DLG2: variants seen among roughly 807,000 people sequenced by gnomAD.
DLG2 encodes the protein disks large homolog 2.
In DLG2, 45 loss-of-function variants were observed where a neutral mutation model predicts 132.5. The observed-to-expected ratio is 0.34, with a 90% CI of 0.27 to 0.44. DLG2 has a LOEUF of 0.44. Among genes scored for constraint, DLG2 ranks in the 20% least tolerant of loss-of-function variants. DLG2 has a pLI of 1.00. For missense variants in DLG2, 1,045 were observed against 1,196.9 expected, an observed-to-expected ratio of 0.87 and a Z score of 1.87; for synonymous variants, 424 against 419.6, an observed-to-expected ratio of 1.01 and a Z score of -0.13.
At chr11:83,937,142 G>A (rs73508294) in intron 14 of DLG2, among the ~76,000 whole-genome samples, 3,120 of 152,104 alleles carry the variant, frequency 0.021, 98 homozygotes, top group African/African-American at 0.071. Context: ...ACTAAGAATC[G>A]TGATGGAAAA....
chr11:83,640,042 T>C (rs2066022458), intron 18 of DLG2, among the ~76,000 whole-genome samples: 1 of 152,192 alleles, frequency 6.6e-6, no homozygotes, highest in Non-Finnish European at 1.5e-5. Flanking sequence ...TTAGTGGTAC[T>C]AATGGTGACA....
At chr11:85,022,898 T>C (rs1463529754) in intron 6 of DLG2, among the ~76,000 whole-genome samples, 1 of 152,078 alleles carries the variant, frequency 6.6e-6, no homozygotes, top group Non-Finnish European at 1.5e-5. Context: ...TCTGAGAATA[T>C]AAAACCTTAA....
At chr11:84,032,292 G>C (rs1306847870) in intron 11 of DLG2, among the ~76,000 whole-genome samples, 1 of 152,160 alleles carries the variant, frequency 6.6e-6, no homozygotes, top group Non-Finnish European at 1.5e-5. Flanking sequence ...TAAATACAAA[G>C]GAAGAGTTCT....
chr11:85,217,415 CTT>C (rs536678115), intron 4 of DLG2, among the ~76,000 whole-genome samples: 1 of 151,920 alleles, frequency 6.6e-6, no homozygotes, highest in Non-Finnish European at 1.5e-5. Context: ...AATTGCAAGT[CTT>C]TGCAATGACT....
rs66699053 is a variant in DLG2, at chr11:83,787,340, T to TTTTTTTTTTTTTG, written c.1723-549_1723-548insCAAAAAAAAAAAA. On this transcript the variant is annotated intron_variant, in intron 17 of 27. Coordinates refer to ENST00000376104, the MANE Select transcript of DLG2 (RefSeq NM_001142699.3). Reference sequence around the variant, plus strand: ...TTTTTTTTGTTTTTTTTTTTTTTTTTAGACAGAGTCTCGCTCTTTCGCCCA... The same window carrying TTTTTTTTTTTTTG: ...TTTTTTTTGTTTTTTTTTTTTTTTTTTTTTTTTTTTTTGAGACAGAGTCTCGCTCTTTCGCCCA... Among the ~76,000 whole-genome samples, 57 of 102,734 alleles carry TTTTTTTTTTTTTG rather than the reference T, an allele frequency of 5.5e-4. 11 individuals are homozygous for TTTTTTTTTTTTTG. The highest frequency in any genetic ancestry group is 8.8e-4 in the African/African-American group (21 of 23,880). 67.4% of individuals were successfully genotyped at this position (102,734 alleles called of 152,430 possible). A position where few individuals can be genotyped will look rare whatever the true frequency, so the allele number is the denominator to read the frequency against.
intron 4 of DLG2, among the ~76,000 whole-genome samples, chr11:85,172,051 T>C (rs991548015): frequency 1.3e-5 from 2 of 152,234 alleles, no homozygotes; most frequent in African/African-American, 2.4e-5. Flanking sequence ...AGTCCGGGCA[T>C]TCTGGACGAG....
chr11:83,751,132 C>A (rs2093279195), intron 18 of DLG2, among the ~76,000 whole-genome samples: 1 of 152,106 alleles, frequency 6.6e-6, no homozygotes, highest in Non-Finnish European at 1.5e-5. Context: ...CAGAAAAGTT[C>A]TCATGTGGAA....
intron 11 of DLG2, among the ~76,000 whole-genome samples, chr11:84,039,469 G>A (rs1306991546): frequency 8.3e-6 from 1 of 120,618 alleles, no homozygotes; most frequent in African/African-American, 3.0e-5. Context: ...AATATGTGGT[G>A]TTTGGTTTTT....
At chr11:85,360,966 T>C (rs1374965449) in intron 3 of DLG2, among the ~76,000 whole-genome samples, 3 of 152,176 alleles carry the variant, frequency 2.0e-5, no homozygotes, top group East Asian at 1.9e-4. Context: ...GAGAGTCTCA[T>C]TGTATGTAAA....
At chr11:85,546,856 G>T (rs1239608646) in intron 3 of DLG2, among the ~76,000 whole-genome samples, 3 of 106,996 alleles carry the variant, frequency 2.8e-5, no homozygotes, top group Admixed American at 1.1e-4. Context: ...CCATTTGCTT[G>T]GTAAATATTT....
chr11:85,398,034 C>T (rs1057114731), intron 3 of DLG2, among the ~76,000 whole-genome samples: 1 of 152,164 alleles, frequency 6.6e-6, no homozygotes, highest in African/African-American at 2.4e-5. Flanking sequence ...GGTAGTAAAA[C>T]ACTCCTCAGC....
At chr11:84,648,781 A>G (rs1007608231) in intron 6 of DLG2, among the ~76,000 whole-genome samples, 2 of 151,550 alleles carry the variant, frequency 1.3e-5, no homozygotes, top group African/African-American at 4.9e-5. Flanking sequence ...GTGTGTGTAT[A>G]TATATATATA....
intron 10 of DLG2, among the ~76,000 whole-genome samples, chr11:84,086,831 TAC>T (rs2096991283): frequency 6.6e-6 from 1 of 152,154 alleles, no homozygotes. Flanking sequence ...TTATATCTAT[TAC>T]TAGCCCCTGG....
chr11:85,370,085 T>C (rs1453622841), intron 3 of DLG2, among the ~76,000 whole-genome samples: 1 of 152,208 alleles, frequency 6.6e-6, no homozygotes, highest in East Asian at 1.9e-4. Context: ...TTTGACTTGC[T>C]GGCTTCACAA....
intron 8 of DLG2, among the ~76,000 whole-genome samples, chr11:84,219,319 A>G (rs1471775385): frequency 1.3e-5 from 2 of 152,210 alleles, no homozygotes; most frequent in Non-Finnish European, 2.9e-5. Flanking sequence ...CTTTGTACTC[A>G]TTCACCAATG....
intron 10 of DLG2, among the ~76,000 whole-genome samples, chr11:84,061,061 CCAAA>C (rs748406373): frequency 3.5e-4 from 54 of 152,312 alleles, no homozygotes; most frequent in Non-Finnish European, 5.7e-4. Context: ...CTTCCTCCTT[CCAAA>C]CAGTGTCCCG....
At chr11:84,629,423 C>T (rs1296244922) in intron 6 of DLG2, among the ~76,000 whole-genome samples, 2 of 152,150 alleles carry the variant, frequency 1.3e-5, no homozygotes, top group African/African-American at 4.8e-5. Context: ...GGGGAGCTGT[C>T]ACTGGAGATT....
At chr11:85,070,904 T>C (rs2065767312) in intron 6 of DLG2, among the ~76,000 whole-genome samples, 1 of 151,862 alleles carries the variant, frequency 6.6e-6, no homozygotes, top group African/African-American at 2.4e-5. Context: ...TGTGAAGTTG[T>C]TTTCCTACTC....
At chr11:84,868,994 A>G (rs1379200697) in intron 6 of DLG2, among the ~76,000 whole-genome samples, 1 of 152,176 alleles carries the variant, frequency 6.6e-6, no homozygotes, top group African/African-American at 2.4e-5. Context: ...AATACCCCCT[A>G]AAGGATGTGA....
Sources: allele counts gnomAD v4.1 joint callset (sites outside exome capture counted in the v4.1 genomes callset), GRCh38; gene constraint gnomAD v4.1.1; transcripts MANE v1.5; gene names NCBI Gene and HGNC (gene_info 2026-07-23, HGNC 2026-07-21).